EHBP1: variants seen among roughly 807,000 people sequenced by gnomAD.
EHBP1 encodes the protein EH domain-binding protein 1.
In EHBP1, 55 loss-of-function variants were observed where a neutral mutation model predicts 144.0. The ratio of observed to expected loss-of-function variants is 0.38; its 90% CI spans 0.31 to 0.48. EHBP1 has a LOEUF of 0.48. EHBP1 is among the 20% of genes least tolerant of loss of function. EHBP1 has a pLI of 0.98. For synonymous variants in EHBP1, 469 were observed against 472.7 expected (o/e 0.99, Z 0.10); for missense variants, 1,200 against 1,364.2 (o/e 0.88, Z 1.90).
intron 7 of EHBP1, chr2:62,858,452 A>C (rs750395474): frequency 1.3e-5 from 21 of 1,612,036 alleles, no homozygotes; most frequent in Non-Finnish European, 1.7e-5. Flanking sequence ...ATGAAGATCA[A>C]GATGACTGCA....
At chr2:62,858,370 T>G in intron 7 of EHBP1, 1 of 1,408,378 alleles carries the variant, frequency 7.1e-7, no homozygotes, top group African/African-American at 1.4e-5. Context: ...TAAATGACCT[T>G]ACCTTATATT....
chr2:62,896,481 A>C (rs1309970907), intron 10 of EHBP1, among the ~76,000 whole-genome samples: 1 of 152,112 alleles, frequency 6.6e-6, no homozygotes, highest in Non-Finnish European at 1.5e-5. Flanking sequence ...GTAACTTCAT[A>C]TTCTACCGTA....
intron 19 of EHBP1, among the ~76,000 whole-genome samples, chr2:63,010,017 C>T (rs538068734): frequency 1.3e-5 from 2 of 151,558 alleles, no homozygotes; most frequent in East Asian, 3.9e-4. Context: ...CTATACTCAC[C>T]TATTTTTGGA....
intron 3 of EHBP1, among the ~76,000 whole-genome samples, chr2:62,748,015 T>A (rs2039319964): frequency 6.6e-6 from 1 of 152,068 alleles, no homozygotes; most frequent in Non-Finnish European, 1.5e-5. Flanking sequence ...CTGCTCTTTA[T>A]TTATTACTCA....
Position 62,755,069 on chromosome 2 carries a change from T to C in EHBP1, c.162+7617T>C, listed in dbSNP as rs115404587. On this transcript the variant is annotated intron_variant, in intron 3 of 22. Transcript: ENST00000431489. ...TTGGAAATGCAGAAATCACCTGTCTTCTGCATCGCTCAACGCTGGGAGCTG... is the reference window on the plus strand; with the variant it reads ...TTGGAAATGCAGAAATCACCTGTCTCCTGCATCGCTCAACGCTGGGAGCTG... 4.1e-3 allele frequency among the ~76,000 whole-genome samples: 629 copies of C among 152,344 alleles called. 7 individuals carry two copies. Among genetic ancestry groups the C allele is most frequent in the African/African-American group, 0.014 (599 of 41,580 alleles).
chr2:62,929,953 A>G (rs1402719393), intron 10 of EHBP1, among the ~76,000 whole-genome samples: 1 of 152,248 alleles, frequency 6.6e-6, no homozygotes. Flanking sequence ...TACTTTCATT[A>G]ACAATAGCAT....
chr2:62,871,835 A>G (rs746471747), intron 9 of EHBP1, among the ~76,000 whole-genome samples: 11 of 152,190 alleles, frequency 7.2e-5, no homozygotes, highest in Non-Finnish European at 1.0e-4. Context: ...TACACTTAGC[A>G]ACTGCATGGG....
intron 1 of EHBP1, among the ~76,000 whole-genome samples, chr2:62,681,346 A>G (rs1240842857): frequency 3.5e-5 from 4 of 113,860 alleles, no homozygotes; most frequent in Non-Finnish European, 7.1e-5. Flanking sequence ...GTGTGTATAT[A>G]TATATATATA....
At chr2:62,763,202 C>A (rs1332438994) in intron 3 of EHBP1, among the ~76,000 whole-genome samples, 3 of 152,064 alleles carry the variant, frequency 2.0e-5, no homozygotes, top group Admixed American at 1.3e-4. Flanking sequence ...CCTTTTCTTA[C>A]CCCCAGTTCT....
intron 1 of EHBP1, among the ~76,000 whole-genome samples, chr2:62,682,938 ATAAC>A (rs1249023792): frequency 6.6e-6 from 1 of 152,216 alleles, no homozygotes; most frequent in African/African-American, 2.4e-5. Flanking sequence ...ACAAATTAAA[ATAAC>A]TATTATACGT....
At chr2:62,740,034 C>T (rs551005795) in intron 2 of EHBP1, among the ~76,000 whole-genome samples, 10 of 151,802 alleles carry the variant, frequency 6.6e-5, no homozygotes, top group African/African-American at 2.2e-4. Context: ...TGAAAGTACA[C>T]TCTGCTGTAA....
intron 10 of EHBP1, among the ~76,000 whole-genome samples, chr2:62,880,761 T>C (rs1462409898): frequency 6.6e-6 from 1 of 152,120 alleles, no homozygotes; most frequent in African/African-American, 2.4e-5. Flanking sequence ...TAACAGTTGC[T>C]GGTGAGGTTG....
At position 62,993,834 on chromosome 2, in the gene EHBP1, C is replaced by T. The variant is rs141864934; in HGVS notation, c.2873-37C>T. On this transcript the variant is annotated intron_variant, in intron 17 of 22. Transcript: ENST00000431489. Reference sequence around the variant, plus strand: ...TTCAATACACAAATATCAAGCTTTACAATAATTTTACATGTCTTTCCTCTT... The same window carrying T: ...TTCAATACACAAATATCAAGCTTTATAATAATTTTACATGTCTTTCCTCTT... The T allele has an allele frequency of 5.9e-4, 859 of 1,460,196 alleles. 5 individuals are homozygous for T. The African/African-American group carries it at 0.011, about 18-fold the overall frequency. 90.5% of individuals were successfully genotyped at this position (1,460,196 alleles called of 1,614,324 possible).
intron 5 of EHBP1, among the ~76,000 whole-genome samples, chr2:62,776,876 A>G (rs992945195): frequency 6.6e-6 from 1 of 152,194 alleles, no homozygotes; most frequent in Non-Finnish European, 1.5e-5. Flanking sequence ...CACAACAGTT[A>G]TATTTAGGAA....
chr2:62,954,078 A>T (rs1022066395), intron 13 of EHBP1, among the ~76,000 whole-genome samples: 1 of 152,174 alleles, frequency 6.6e-6, no homozygotes, highest in Non-Finnish European at 1.5e-5. Context: ...GAGTTGGTCT[A>T]TTTCTATCCT....
intron 9 of EHBP1, among the ~76,000 whole-genome samples, chr2:62,868,775 C>CT (rs2050237640): frequency 2.6e-5 from 4 of 151,956 alleles, no homozygotes; most frequent in African/African-American, 9.6e-5. Context: ...TAACAAGAGT[C>CT]TATCTCTTAA....
intron 10 of EHBP1, among the ~76,000 whole-genome samples, chr2:62,908,906 T>C (rs1425678962): frequency 6.6e-6 from 1 of 152,206 alleles, no homozygotes; most frequent in Admixed American, 6.5e-5. Flanking sequence ...ATCACTGATA[T>C]ATCTCCCAGT....
intron 19 of EHBP1, among the ~76,000 whole-genome samples, chr2:63,020,048 G>A (rs557620921): frequency 3.3e-5 from 5 of 152,026 alleles, no homozygotes; most frequent in Admixed American, 1.3e-4. Flanking sequence ...AATTAAGGCC[G>A]GGCGAGGTGG....
At chr2:62,749,254 A>G (rs1463075290) in intron 3 of EHBP1, among the ~76,000 whole-genome samples, 8 of 151,888 alleles carry the variant, frequency 5.3e-5, no homozygotes. Flanking sequence ...TTTGTCCTTA[A>G]GATAGTTTGC....
Sources: gnomAD v4.1 joint callset for allele counts (sites outside exome capture counted in the v4.1 genomes callset) on GRCh38, gnomAD v4.1.1 for gene constraint, MANE v1.5 for transcripts, NCBI Gene and HGNC (gene_info 2026-07-23, HGNC 2026-07-21) for gene names.